The following NTM variants were observed in gnomAD, a reference collection of about 807,000 sequenced individuals.
The protein encoded by NTM is IgLON family member 2.
A neutral mutation model predicts 42.1 loss-of-function variants in NTM; 13 were observed. That is an observed-to-expected ratio of 0.31 (90% CI 0.20 to 0.49). The LOEUF (loss-of-function observed/expected upper bound fraction) is 0.49, where lower values mean the gene tolerates loss of function less well. Ranked by LOEUF, NTM falls within the 20% of genes least tolerant of loss-of-function variation. The pLI, the probability that NTM is intolerant of heterozygous loss-of-function variation, is 0.99. For missense variants in NTM, 373 were observed against 452.8 expected (o/e 0.82, Z 1.60); for synonymous variants, 187 against 179.2 (o/e 1.04, Z -0.35).
chr11:132,041,965 T>C (rs977254416), intron 2 of NTM, among the ~76,000 whole-genome samples: 12 of 152,342 alleles, frequency 7.9e-5, no homozygotes, highest in African/African-American at 2.9e-4. Flanking sequence ...ATGTTGTTAG[T>C]GGTGTTGAGT....
At chr11:131,789,714 T>C (rs1270160170) in intron 1 of NTM, among the ~76,000 whole-genome samples, 3 of 150,022 alleles carry the variant, frequency 2.0e-5, no homozygotes, top group Non-Finnish European at 4.4e-5. Context: ...CCCAGCACTT[T>C]GGGAGGTGGA....
chr11:131,643,498 G>A (rs2065393414), intron 1 of NTM, among the ~76,000 whole-genome samples: 1 of 152,162 alleles, frequency 6.6e-6, no homozygotes, highest in African/African-American at 2.4e-5. Flanking sequence ...GCCAACTCTT[G>A]TCCTTTGCCC....
At chr11:132,319,389 C>T (rs566903870) in intron 7 of NTM, among the ~76,000 whole-genome samples, 8 of 152,248 alleles carry the variant, frequency 5.3e-5, no homozygotes, top group East Asian at 3.9e-4. Context: ...CAGTGACCGT[C>T]GGCACCTGGA....
At chr11:131,441,156 A>G (rs1227857830) in intron 1 of NTM, among the ~76,000 whole-genome samples, 5 of 152,164 alleles carry the variant, frequency 3.3e-5, no homozygotes, top group Non-Finnish European at 1.5e-5. Flanking sequence ...ATTGCAAGCC[A>G]TTGTCTTTCT....
At chr11:131,459,803 A>C (rs1275713452) in intron 1 of NTM, among the ~76,000 whole-genome samples, 1 of 152,208 alleles carries the variant, frequency 6.6e-6, no homozygotes, top group Non-Finnish European at 1.5e-5. Context: ...ATTTATCAGC[A>C]TAAGATAGAG....
chr11:132,270,570 A>C (rs528648882), intron 4 of NTM, among the ~76,000 whole-genome samples: 10 of 152,158 alleles, frequency 6.6e-5, no homozygotes, highest in African/African-American at 2.4e-4. Context: ...TGTCCAAAGA[A>C]ATTTAGGTTA....
At chr11:131,812,157 C>T (rs1053970857) in intron 1 of NTM, among the ~76,000 whole-genome samples, 1 of 149,304 alleles carries the variant, frequency 6.7e-6, no homozygotes, top group Admixed American at 6.6e-5. Context: ...TTTTCTCTAC[C>T]CTTTGTCAGA....
chr11:132,070,365 A>G (rs1478815422), intron 2 of NTM, among the ~76,000 whole-genome samples: 5 of 143,852 alleles, frequency 3.5e-5, no homozygotes, highest in African/African-American at 7.6e-5. Context: ...CAAACTGACC[A>G]TCACAGGTTA....
At chr11:131,873,811 C>T (rs987986853) in intron 1 of NTM, among the ~76,000 whole-genome samples, 3 of 141,788 alleles carry the variant, frequency 2.1e-5, no homozygotes, top group African/African-American at 7.8e-5. Context: ...CTCCCCTTGC[C>T]CCCATCCCCC....
chr11:131,644,500 C>A (rs966794859), intron 1 of NTM, among the ~76,000 whole-genome samples: 7 of 152,214 alleles, frequency 4.6e-5, no homozygotes, highest in African/African-American at 7.2e-5. Context: ...ACTCCTACTA[C>A]TTAGCCTGCT....
At chr11:132,040,796 G>T (rs1432697725) in intron 2 of NTM, among the ~76,000 whole-genome samples, 1 of 151,972 alleles carries the variant, frequency 6.6e-6, no homozygotes, top group Non-Finnish European at 1.5e-5. Flanking sequence ...ACCTGTTCAA[G>T]TCTTGAGGAT....
intron 1 of NTM, among the ~76,000 whole-genome samples, chr11:131,618,806 C>T (rs1037620922): frequency 1.1e-4 from 16 of 152,276 alleles, no homozygotes; most frequent in Admixed American, 2.0e-4. Flanking sequence ...GAACATGTTC[C>T]GATGAGCTAG....
chr11:131,480,724 G>T (rs914184566), intron 1 of NTM, among the ~76,000 whole-genome samples: 2 of 152,040 alleles, frequency 1.3e-5, no homozygotes, highest in African/African-American at 4.8e-5. Context: ...GAGTAAGGGG[G>T]CGTGGGAGGT....
chr11:131,424,600 C>CTTTCTTTTTTTTTTTTTTTTTTTTTTTT (rs1947878678), intron 1 of NTM, among the ~76,000 whole-genome samples: 2 of 56,052 alleles, frequency 3.6e-5, no homozygotes, highest in Admixed American at 2.5e-4. Context: ...CTTTTCTTTT[C>CTTTCTTTTTTTTTTTTTTTTTTTTTTTT]TTTTTTTTTT....
intron 1 of NTM, among the ~76,000 whole-genome samples, chr11:131,714,477 C>T (rs574880540): frequency 3.0e-4 from 45 of 152,254 alleles, no homozygotes; most frequent in Non-Finnish European, 6.0e-4. Context: ...AGATGTGAGC[C>T]ACCACAACCA....
At chr11:131,799,646 G>A (rs1191647465) in intron 1 of NTM, among the ~76,000 whole-genome samples, 1 of 152,144 alleles carries the variant, frequency 6.6e-6, no homozygotes, top group Non-Finnish European at 1.5e-5. Context: ...GAGGAGGCAG[G>A]TTCTGGAGCT....
At chr11:132,242,433 G>GTAA (rs1246063705) in intron 4 of NTM, among the ~76,000 whole-genome samples, 1 of 152,148 alleles carries the variant, frequency 6.6e-6, no homozygotes, top group Non-Finnish European at 1.5e-5. Context: ...AAAAATGGTG[G>GTAA]GTGGGGACAG....
intron 1 of NTM, among the ~76,000 whole-genome samples, chr11:131,739,137 A>G (rs1180092215): frequency 6.6e-5 from 10 of 152,184 alleles, no homozygotes; most frequent in Admixed American, 4.6e-4. Flanking sequence ...TTCAGGAGGA[A>G]AAGTGTTACC....
At chr11:131,891,004 G>A (rs960637172) in intron 1 of NTM, among the ~76,000 whole-genome samples, 1 of 152,128 alleles carries the variant, frequency 6.6e-6, no homozygotes, top group Non-Finnish European at 1.5e-5. Flanking sequence ...GAGAATGTGC[G>A]AATTTGTTTA....
Sources: gnomAD v4.1 joint callset for allele counts (sites outside exome capture counted in the v4.1 genomes callset) on GRCh38, gnomAD v4.1.1 for gene constraint, MANE v1.5 for transcripts, NCBI Gene and HGNC (gene_info 2026-07-23, HGNC 2026-07-21) for gene names.